The following NSUN3 variants were observed in gnomAD, a reference collection of about 807,000 sequenced individuals.
The protein encoded by NSUN3 is NOP2/Sun RNA methyltransferase 3.
Under a neutral mutation model 36.8 loss-of-function variants are expected in NSUN3, and 24 were observed. That is an observed-to-expected ratio of 0.65 (90% CI 0.47 to 0.92). The LOEUF (loss-of-function observed/expected upper bound fraction) is 0.92, where lower values mean the gene tolerates loss of function less well. Among genes scored for constraint, NSUN3 ranks in the 40% least tolerant of loss-of-function variants. NSUN3 has a pLI of 0.00. For synonymous variants in NSUN3, 146 were observed against 145.2 expected (o/e 1.01, Z -0.04); for missense variants, 381 against 392.8 (o/e 0.97, Z 0.25).
chr3:94,127,491 T>G lies in NSUN3; in HGVS notation c.*1001T>G, dbSNP rs1263341895. The G allele has an allele frequency of 1.3e-5, 2 of 152,316 alleles. No homozygotes were observed. The highest frequency in any genetic ancestry group is 3.4e-3 in the Middle Eastern group (1 of 294). The allele number at this position is 152,316 out of a possible 1,614,324, so 9.4% of individuals were successfully genotyped here. A position where few individuals can be genotyped will look rare whatever the true frequency, so the allele number is the denominator to read the frequency against. On this transcript the variant is annotated 3_prime_UTR_variant, in exon 6 of 6. Transcript: ENST00000314622. ...CCAGAACCCAGTGCCATTTACTAAGTGGCTCTCCATGTTTACATAAATCCT... is the reference window on the plus strand; with the variant it reads ...CCAGAACCCAGTGCCATTTACTAAGGGGCTCTCCATGTTTACATAAATCCT...
intron 5 of NSUN3, among the ~76,000 whole-genome samples, chr3:94,104,288 A>C (rs952660055): frequency 6.6e-6 from 1 of 152,182 alleles, no homozygotes; most frequent in Admixed American, 6.6e-5. Flanking sequence ...GCTGTCCCAG[A>C]CCTTTCTCTG....
intron 3 of NSUN3, among the ~76,000 whole-genome samples, chr3:94,091,702 A>G (rs2077315754): frequency 6.6e-6 from 1 of 152,250 alleles, no homozygotes; most frequent in African/African-American, 2.4e-5. Flanking sequence ...AAGTCAAAAT[A>G]GAATGTAAAA....
intron 2 of NSUN3, among the ~76,000 whole-genome samples, chr3:94,066,213 A>C (rs2077203751): frequency 6.6e-6 from 1 of 152,078 alleles, no homozygotes; most frequent in Admixed American, 6.5e-5. Context: ...TGAACCTCAA[A>C]TCCATTTAAT....
intron 2 of NSUN3, among the ~76,000 whole-genome samples, chr3:94,071,153 C>T (rs529735526): frequency 5.3e-5 from 8 of 152,152 alleles, no homozygotes; most frequent in Non-Finnish European, 8.8e-5. Flanking sequence ...CATTAAGTAT[C>T]CATTTCTTAC....
chr3:94,093,863 A>G (rs1262108087), intron 3 of NSUN3, among the ~76,000 whole-genome samples: 1 of 152,168 alleles, frequency 6.6e-6, no homozygotes, highest in Non-Finnish European at 1.5e-5. Context: ...CCTCTAATAA[A>G]ATTAAACTTG....
At chr3:94,108,147 C>A (rs2077398716) in intron 5 of NSUN3, among the ~76,000 whole-genome samples, 1 of 151,762 alleles carries the variant, frequency 6.6e-6, no homozygotes, top group African/African-American at 2.4e-5. Flanking sequence ...GTACAAGGAG[C>A]TCCTGTGTGC....
intron 5 of NSUN3, among the ~76,000 whole-genome samples, chr3:94,103,478 T>C (rs987583855): frequency 2.0e-5 from 3 of 151,560 alleles, no homozygotes; most frequent in Non-Finnish European, 4.4e-5. Flanking sequence ...TATAATATAC[T>C]GGAGCTAAGA....
At position 94,070,123 on chromosome 3, in the gene NSUN3, C is replaced by T. The variant is rs554792318; in HGVS notation, c.122+5577C>T. On this transcript the variant is annotated intron_variant, in intron 2 of 5. Transcript: ENST00000314622. Reference sequence around the variant, plus strand: ...ATGTGCCTAGCCTATAGTTGACAGACGGTGTATTTTTAGAGAATGAATGAA... The same window carrying T: ...ATGTGCCTAGCCTATAGTTGACAGATGGTGTATTTTTAGAGAATGAATGAA... 9.2e-5 allele frequency among the ~76,000 whole-genome samples: 14 copies of T among 152,048 alleles called. No homozygotes were observed. In the East Asian group the frequency reaches 1.9e-3, roughly 21 times the overall value.
chr3:94,072,450 T>C (rs2077227870), intron 2 of NSUN3, among the ~76,000 whole-genome samples: 1 of 152,188 alleles, frequency 6.6e-6, no homozygotes, highest in South Asian at 2.1e-4. Context: ...AAATGAACAT[T>C]GTACACATCC....
At chr3:94,064,884 T>G (rs1307290652) in intron 2 of NSUN3, among the ~76,000 whole-genome samples, 1 of 152,218 alleles carries the variant, frequency 6.6e-6, no homozygotes, top group African/African-American at 2.4e-5. Flanking sequence ...TTTGACTGAT[T>G]TCTGAAATTT....
chr3:94,084,345 C>G lies in NSUN3; in HGVS notation c.361C>G (p.Leu121Val), dbSNP rs2077283571. The change falls in exon 3 of 6, where the codon CTT (leucine) becomes GTT (valine). Residue 121 changes from leucine (L) to valine (V), a missense_variant. Coordinates refer to ENST00000314622, the MANE Select transcript of NSUN3 (RefSeq NM_022072.5). ...KKYYLLNAASLLPVLALELRD... is the reference protein window; with the variant it reads ...KKYYLLNAASVLPVLALELRD... Reference sequence around the variant, plus strand: ...ATATTATCTCCTAAATGCTGCTTCTCTTCTCCCAGTGTTGGCTCTGGAATT... The same window carrying G: ...ATATTATCTCCTAAATGCTGCTTCTGTTCTCCCAGTGTTGGCTCTGGAATT... 7 of 1,614,002 alleles carry G rather than the reference C, an allele frequency of 4.3e-6. No individual in the cohort carries two copies. Among genetic ancestry groups the G allele is most frequent in the Non-Finnish European group, 5.9e-6 (7 of 1,179,984 alleles).
intron 5 of NSUN3, among the ~76,000 whole-genome samples, chr3:94,096,240 A>G (rs1045321422): frequency 7.9e-5 from 12 of 152,206 alleles, no homozygotes. Context: ...ATAGCCTTGT[A>G]TCAGATTACG....
At chr3:94,096,496 G>GTGTT (rs71621585) in intron 5 of NSUN3, among the ~76,000 whole-genome samples, 1 of 151,518 alleles carries the variant, frequency 6.6e-6, no homozygotes, top group African/African-American at 2.4e-5. Context: ...GTTTTTTTGT[G>GTGTT]TGTTTGTTTG....
chr3:94,067,925 T>A (rs1238557743), intron 2 of NSUN3, among the ~76,000 whole-genome samples: 1 of 152,006 alleles, frequency 6.6e-6, no homozygotes, highest in East Asian at 1.9e-4. Context: ...AAACCTTTGC[T>A]CCCCAGAAGT....
chr3:94,127,707 G>T lies in NSUN3; in HGVS notation c.*1217G>T, dbSNP rs2077493165. On this transcript the variant is annotated 3_prime_UTR_variant, in exon 6 of 6. Coordinates refer to ENST00000314622, the MANE Select transcript of NSUN3 (RefSeq NM_022072.5). The stretch of plus-strand genomic sequence containing the variant: ...CCTTTAAAAAAAAACAACTTTATCT[G>T]ATTATAGAAATACAAAATTCTGCTA... 6.6e-6 allele frequency: 1 copy of T among 152,010 alleles called. No individual in the cohort carries two copies. The highest frequency in any genetic ancestry group is 1.5e-5 in the Non-Finnish European group (1 of 68,000). The allele number at this position is 152,010 out of a possible 1,614,324, so 9.4% of individuals were successfully genotyped here. A position where few individuals can be genotyped will look rare whatever the true frequency, so the allele number is the denominator to read the frequency against.
chr3:94,107,474 CA>C (rs1207429703), intron 5 of NSUN3, among the ~76,000 whole-genome samples: 1 of 150,790 alleles, frequency 6.6e-6, no homozygotes, highest in Non-Finnish European at 1.5e-5. Flanking sequence ...TTTGTAGAAA[CA>C]GGGGTCTCTC....
intron 5 of NSUN3, among the ~76,000 whole-genome samples, chr3:94,105,165 C>G (rs2077383693): frequency 1.3e-5 from 2 of 152,210 alleles, no homozygotes; most frequent in African/African-American, 4.8e-5. Flanking sequence ...AAAGGTGCGT[C>G]TTTGTCACTT....
chr3:94,098,928 CCT>C (rs1394630382), intron 5 of NSUN3, among the ~76,000 whole-genome samples: 3 of 152,034 alleles, frequency 2.0e-5, no homozygotes, highest in Non-Finnish European at 2.9e-5. Flanking sequence ...CTAGTACGTG[CCT>C]CTCTTTTTGA....
chr3:94,094,395 A>T, intron 4 of NSUN3, 101 bp downstream of exon 4: 3 of 1,212,726 alleles, frequency 2.5e-6, no homozygotes, highest in Non-Finnish European at 3.4e-6. Context: ...ACATAGCCTG[A>T]TACAGTTTCT....
Sources: gnomAD v4.1 joint callset for allele counts (sites outside exome capture counted in the v4.1 genomes callset) on GRCh38, gnomAD v4.1.1 for gene constraint, MANE v1.5 for transcripts, NCBI Gene and HGNC (gene_info 2026-07-23, HGNC 2026-07-21) for gene names.